Variants in SPMIP2 observed in about 807,000 individuals in gnomAD.
SPMIP2 encodes sperm microtubule inner protein 2, also known as protein SPMIP2.
chr4:159,024,521 A>T, the SPMIP2 span, among the ~76,000 whole-genome samples: 1 of 152,146 alleles, frequency 6.6e-6, no homozygotes, highest in Non-Finnish European at 1.5e-5. Flanking sequence ...CTCTTGCAAG[A>T]AAGGGAAGAA....
the SPMIP2 span, among the ~76,000 whole-genome samples, chr4:158,916,536 A>G: frequency 7.2e-5 from 11 of 152,196 alleles, no homozygotes; most frequent in African/African-American, 2.2e-4. Flanking sequence ...ATCCTAGAAT[A>G]AAGTCTGAGC....
At chr4:158,940,027 G>C in the SPMIP2 span, among the ~76,000 whole-genome samples, 1 of 152,012 alleles carries the variant, frequency 6.6e-6, no homozygotes, top group Non-Finnish European at 1.5e-5. Context: ...GTATTAGTTT[G>C]TTAGGGCTGC....
the SPMIP2 span, among the ~76,000 whole-genome samples, chr4:159,053,488 C>T: frequency 6.6e-6 from 1 of 152,204 alleles, no homozygotes. Flanking sequence ...ATGAACCCCA[C>T]ACCTCACATT....
chr4:159,029,372 T>C, the SPMIP2 span, among the ~76,000 whole-genome samples: 3 of 152,210 alleles, frequency 2.0e-5, no homozygotes, highest in Non-Finnish European at 4.4e-5. Flanking sequence ...TAAAAGTGCA[T>C]ACATAAAGGT....
the SPMIP2 span, chr4:158,904,857 G>A: frequency 7.0e-6 from 2 of 287,208 alleles, no homozygotes; most frequent in South Asian, 5.2e-5. Flanking sequence ...AGATTGCCTT[G>A]TGCTGTTTGG....
At chr4:158,894,373 T>C in the SPMIP2 span, among the ~76,000 whole-genome samples, 1 of 152,074 alleles carries the variant, frequency 6.6e-6, no homozygotes, top group South Asian at 2.1e-4. Context: ...AGGCTCACTA[T>C]GTTGCCTAGG....
the SPMIP2 span, among the ~76,000 whole-genome samples, chr4:158,916,011 C>A: frequency 2.0e-5 from 3 of 152,244 alleles, no homozygotes; most frequent in East Asian, 5.8e-4. Flanking sequence ...TATTCACCAT[C>A]CTTCCACCTG....
At chr4:158,934,807 T>C in the SPMIP2 span, among the ~76,000 whole-genome samples, 7 of 152,170 alleles carry the variant, frequency 4.6e-5, no homozygotes, top group Non-Finnish European at 8.8e-5. Context: ...CCAAGTCTCA[T>C]TGTGTCTTTC....
At chr4:158,998,039 G>A in the SPMIP2 span, among the ~76,000 whole-genome samples, 1 of 152,240 alleles carries the variant, frequency 6.6e-6, no homozygotes, top group East Asian at 1.9e-4. Context: ...TAGGCTTGCA[G>A]GTCATACATA....
At chr4:158,974,807 T>C in the SPMIP2 span, among the ~76,000 whole-genome samples, 3 of 152,232 alleles carry the variant, frequency 2.0e-5, no homozygotes, top group East Asian at 5.8e-4. Flanking sequence ...GATTTATAAT[T>C]CTTTGGGTAT....
At chr4:158,895,769 A>G in the SPMIP2 span, 1 of 1,611,798 alleles carries the variant, frequency 6.2e-7, no homozygotes, top group Admixed American at 1.7e-5. Flanking sequence ...CATCTTGAAG[A>G]TAGACTACAG....
chr4:159,039,701 G>A, the SPMIP2 span, among the ~76,000 whole-genome samples: 1 of 152,166 alleles, frequency 6.6e-6, no homozygotes, highest in Non-Finnish European at 1.5e-5. Flanking sequence ...CTTTTGTTAC[G>A]GAAAATCCCT....
chr4:159,024,570 T>G, the SPMIP2 span, among the ~76,000 whole-genome samples: 7 of 152,250 alleles, frequency 4.6e-5, no homozygotes, highest in South Asian at 2.1e-4. Flanking sequence ...GGACTCAAGG[T>G]AAACAGACAA....
At chr4:159,071,137 CA>C in the SPMIP2 span, among the ~76,000 whole-genome samples, 6 of 151,604 alleles carry the variant, frequency 4.0e-5, no homozygotes, top group African/African-American at 1.2e-4. Flanking sequence ...AATTTTGGAG[CA>C]AAAAAAATTA....
chr4:158,915,108 G>A, the SPMIP2 span: 1 of 1,420,596 alleles, frequency 7.0e-7, no homozygotes, highest in African/African-American at 1.4e-5. Context: ...ACCTGTCCCT[G>A]ATTTATATGT....
chr4:158,926,616 C>G, the SPMIP2 span, among the ~76,000 whole-genome samples: 2 of 152,128 alleles, frequency 1.3e-5, no homozygotes, highest in Admixed American at 1.3e-4. Flanking sequence ...TCCATGAGCA[C>G]TTGAAAAGAA....
the SPMIP2 span, among the ~76,000 whole-genome samples, chr4:158,965,415 C>T: frequency 6.6e-6 from 1 of 152,128 alleles, no homozygotes; most frequent in African/African-American, 2.4e-5. Flanking sequence ...GAAAGCTATA[C>T]AAGTGCTTCC....
chr4:159,066,750 T>A, the SPMIP2 span, among the ~76,000 whole-genome samples: 1 of 152,078 alleles, frequency 6.6e-6, no homozygotes, highest in Non-Finnish European at 1.5e-5. Flanking sequence ...ACCTTATATC[T>A]GCTCTTATCC....
chr4:159,055,718 A>T, the SPMIP2 span, among the ~76,000 whole-genome samples: 1 of 151,634 alleles, frequency 6.6e-6, no homozygotes, highest in Non-Finnish European at 1.5e-5. Flanking sequence ...TCAAAAATAA[A>T]TAAATAAATA....
Sources: gnomAD v4.1 joint callset for allele counts (sites outside exome capture counted in the v4.1 genomes callset) on GRCh38, gnomAD v4.1.1 for gene constraint, MANE v1.5 for transcripts, NCBI Gene and HGNC (gene_info 2026-07-23, HGNC 2026-07-21) for gene names.